IPCEF1: variants seen among roughly 807,000 people sequenced by gnomAD.
IPCEF1 encodes the protein interactor protein for cytohesin exchange factors 1.
In IPCEF1, 31 loss-of-function variants were observed where a neutral mutation model predicts 50.9. That is an observed-to-expected ratio of 0.61 (90% CI 0.46 to 0.82). The LOEUF (loss-of-function observed/expected upper bound fraction) is 0.82, where lower values mean the gene tolerates loss of function less well. Among genes scored for constraint, IPCEF1 ranks in the 40% least tolerant of loss-of-function variants. IPCEF1 has a pLI of 0.00. For missense variants in IPCEF1, 458 were observed against 514.0 expected (o/e 0.89, Z 1.05); for synonymous variants, 181 against 192.0 (o/e 0.94, Z 0.47).
At chr6:154,184,360 G>A (rs1219790459) in intron 10 of IPCEF1, among the ~76,000 whole-genome samples, 2 of 151,968 alleles carry the variant, frequency 1.3e-5, no homozygotes, top group Non-Finnish European at 2.9e-5. Flanking sequence ...ACTAGTAGTA[G>A]TATAATATTC....
chr6:154,274,544 C>T (rs1782005869), intron 2 of IPCEF1, among the ~76,000 whole-genome samples: 1 of 152,198 alleles, frequency 6.6e-6, no homozygotes, highest in South Asian at 2.1e-4. Context: ...AAACGATTTG[C>T]CTCTTTCACA....
At chr6:154,167,379 C>T (rs1297967961) in intron 11 of IPCEF1, among the ~76,000 whole-genome samples, 1 of 152,210 alleles carries the variant, frequency 6.6e-6, no homozygotes, top group East Asian at 1.9e-4. Context: ...AGAGTGTGTA[C>T]TTCCCACTGT....
chr6:154,246,526 A>T, intron 5 of IPCEF1, 65 bp downstream of exon 5: 3 of 1,492,684 alleles, frequency 2.0e-6, no homozygotes, highest in Non-Finnish European at 2.7e-6. Context: ...CATAGGGATC[A>T]CCTGATGCCT....
rs950292505 is a variant in IPCEF1 at position 154,215,031 on chromosome 6, C to T, written c.393-755G>A. On this transcript the variant is annotated intron_variant, in intron 7 of 11. Coordinates refer to ENST00000367220, the MANE Select transcript of IPCEF1 (RefSeq NM_001130700.2). ...GTGTGTCTATGACATATACTCCTAA[C>T]TATATAATTTTCTACTTATTGGGAG... 1.4e-4 allele frequency among the ~76,000 whole-genome samples: 22 copies of T among 152,256 alleles called. 1 individual carries two copies. Among genetic ancestry groups the T allele is most frequent in the African/African-American group, 5.1e-4 (21 of 41,564 alleles).
At chr6:154,241,576 G>A (rs1344911541) in intron 5 of IPCEF1, among the ~76,000 whole-genome samples, 3 of 152,008 alleles carry the variant, frequency 2.0e-5, no homozygotes, top group Non-Finnish European at 4.4e-5. Flanking sequence ...AATTTTTTGT[G>A]TCTTATATCC....
chr6:154,293,155 T>A (rs35622085), intron 1 of IPCEF1, among the ~76,000 whole-genome samples: 7,128 of 152,276 alleles, frequency 0.047, 191 homozygotes, highest in African/African-American at 0.073. Context: ...GAGTCACAAC[T>A]TATAACATGA....
chr6:154,188,093 AATATGATC>A (rs1801541118), intron 10 of IPCEF1, among the ~76,000 whole-genome samples: 1 of 152,260 alleles, frequency 6.6e-6, no homozygotes, highest in Non-Finnish European at 1.5e-5. Flanking sequence ...CATTTGTAGA[AATATGATC>A]ATATACATAA....
intron 7 of IPCEF1, among the ~76,000 whole-genome samples, chr6:154,218,788 G>A (rs1279530439): frequency 2.0e-5 from 3 of 152,140 alleles, no homozygotes; most frequent in Non-Finnish European, 4.4e-5. Flanking sequence ...CCATTTAGCC[G>A]GATGGACAAT....
At chr6:154,244,303 T>TGC (rs779968845) in intron 5 of IPCEF1, among the ~76,000 whole-genome samples, 1 of 140,704 alleles carries the variant, frequency 7.1e-6, no homozygotes, top group Non-Finnish European at 1.5e-5. Flanking sequence ...TGTGGGTGGG[T>TGC]GTGTGTGTGT....
At chr6:154,232,030 T>G (rs1779763178) in intron 5 of IPCEF1, among the ~76,000 whole-genome samples, 1 of 152,192 alleles carries the variant, frequency 6.6e-6, no homozygotes, top group South Asian at 2.1e-4. Flanking sequence ...TTATTATCAT[T>G]TTTACATAGT....
chr6:154,258,885 T>C (rs1781525251), intron 3 of IPCEF1, among the ~76,000 whole-genome samples: 1 of 152,216 alleles, frequency 6.6e-6, no homozygotes, highest in South Asian at 2.1e-4. Context: ...CCTAGCCCAA[T>C]GACTGACATA....
chr6:154,354,111 CA>C (rs1304216396), intron 1 of IPCEF1, among the ~76,000 whole-genome samples: 2 of 152,170 alleles, frequency 1.3e-5, no homozygotes, highest in East Asian at 3.8e-4. Context: ...CACAACAACC[CA>C]AAAAGTCAAT....
intron 10 of IPCEF1, among the ~76,000 whole-genome samples, chr6:154,191,929 A>G (rs4498369): frequency 0.094 from 14,375 of 152,156 alleles, 1,065 homozygotes; most frequent in African/African-American, 0.21. Context: ...TTTCAAAATA[A>G]GAATCTCCAC....
In IPCEF1 at chr6:154,315,871, A is replaced by C. The variant is rs558343564; in HGVS notation, c.-61-26115T>G. On this transcript the variant is annotated intron_variant, in intron 1 of 11. Transcript: ENST00000367220. The stretch of plus-strand genomic sequence containing the variant: ...GGTGGACAGTCTCACTCTGTCACCC[A>C]GGCTGGAGTGCAGTGGCCCAATCTC... Among the ~76,000 whole-genome samples the C allele has an allele frequency of 2.2e-3, 330 of 152,242 alleles. 1 individual carries two copies. Among genetic ancestry groups the C allele is most frequent in the Middle Eastern group, 6.8e-3 (2 of 294 alleles).
chr6:154,336,114 T>G (rs759766392), intron 1 of IPCEF1, among the ~76,000 whole-genome samples: 1 of 152,206 alleles, frequency 6.6e-6, no homozygotes, highest in African/African-American at 2.4e-5. Flanking sequence ...TATGAAGATT[T>G]CTTTAAAAAC....
chr6:154,175,162 C>T (rs796870511), intron 10 of IPCEF1, among the ~76,000 whole-genome samples: 24 of 152,268 alleles, frequency 1.6e-4, no homozygotes, highest in African/African-American at 5.5e-4. Context: ...CTCTGGGACA[C>T]ATTTAAAGCA....
rs371959798 is a variant in IPCEF1 at position 154,241,628 on chromosome 6, G to A, written c.246+4963C>T. 7.2e-5 allele frequency among the ~76,000 whole-genome samples: 11 copies of A among 151,906 alleles called. No individual in the cohort carries two copies. The East Asian group carries it at 7.7e-4, about 11-fold the overall frequency. On this transcript the variant is annotated intron_variant, in intron 5 of 11. Coordinates refer to ENST00000367220, the MANE Select transcript of IPCEF1 (RefSeq NM_001130700.2). ...TCACCCCTTTTTATTTGCGTAGTGC[G>A]CCCTACATTCTCACTGTTGGCACTC...
At chr6:154,277,500 C>T (rs187206406) in intron 2 of IPCEF1, among the ~76,000 whole-genome samples, 22 of 152,298 alleles carry the variant, frequency 1.4e-4, no homozygotes, top group Non-Finnish European at 2.1e-4. Context: ...AAGATTAAAT[C>T]GTCCAACTCC....
chr6:154,301,227 A>T (rs1341765457), intron 1 of IPCEF1, among the ~76,000 whole-genome samples: 1 of 152,148 alleles, frequency 6.6e-6, no homozygotes, highest in Non-Finnish European at 1.5e-5. Flanking sequence ...GATCCCTCAC[A>T]TTATAGTTTG....
Sources: gnomAD v4.1 joint callset for allele counts (sites outside exome capture counted in the v4.1 genomes callset) on GRCh38, gnomAD v4.1.1 for gene constraint, MANE v1.5 for transcripts, NCBI Gene and HGNC (gene_info 2026-07-23, HGNC 2026-07-21) for gene names.